The following GRIK3 variants were observed in gnomAD, a reference collection of about 807,000 sequenced individuals.
GRIK3 encodes glutamate receptor ionotropic, kainate 3.
Under a neutral mutation model 102.5 loss-of-function variants are expected in GRIK3, and 29 were observed. The ratio of observed to expected loss-of-function variants is 0.28; its 90% CI spans 0.21 to 0.39. GRIK3 has a LOEUF of 0.39. Ranked by LOEUF, GRIK3 falls within the 10% of genes least tolerant of loss-of-function variation. GRIK3 has a pLI of 1.00. For synonymous variants in GRIK3, 511 were observed against 504.9 expected, an observed-to-expected ratio of 1.01 and a Z score of -0.16; for missense variants, 908 against 1,252.4, an observed-to-expected ratio of 0.73 and a Z score of 4.15.
intron 7 of GRIK3, among the ~76,000 whole-genome samples, chr1:36,854,525 C>T (rs1570761670): frequency 6.6e-6 from 1 of 152,184 alleles, no homozygotes; most frequent in South Asian, 2.1e-4. Flanking sequence ...TCTTCTACAT[C>T]AGGGGTTGGC....
intron 1 of GRIK3, among the ~76,000 whole-genome samples, chr1:36,955,606 A>G (rs1021517445): frequency 1.3e-5 from 2 of 152,170 alleles, no homozygotes; most frequent in Admixed American, 6.5e-5. Context: ...ACATACATTC[A>G]CACACAAGCA....
At chr1:36,899,807 T>G (rs1347160679) in intron 1 of GRIK3, among the ~76,000 whole-genome samples, 2 of 152,168 alleles carry the variant, frequency 1.3e-5, no homozygotes, top group Non-Finnish European at 2.9e-5. Flanking sequence ...TCAAGGAACT[T>G]TATCAGAGAC....
At chr1:36,922,320 G>A (rs1045827569) in intron 1 of GRIK3, among the ~76,000 whole-genome samples, 5 of 152,168 alleles carry the variant, frequency 3.3e-5, no homozygotes, top group African/African-American at 1.2e-4. Context: ...GGGAGGTCAG[G>A]CGGTGGGTTC....
At chr1:36,957,949 C>T (rs1343128027) in intron 1 of GRIK3, among the ~76,000 whole-genome samples, 1 of 29,826 alleles carries the variant, frequency 3.4e-5, no homozygotes, top group African/African-American at 1.9e-4. Context: ...CTGTGTGTCC[C>T]ATGACTCTGT....
chr1:36,922,031 G>A (rs963801353), intron 1 of GRIK3, among the ~76,000 whole-genome samples: 2 of 152,204 alleles, frequency 1.3e-5, no homozygotes, highest in African/African-American at 2.4e-5. Flanking sequence ...GCCCCACAGA[G>A]GGGTAGGCCC....
At chr1:36,904,005 G>A (rs1641258308) in intron 1 of GRIK3, among the ~76,000 whole-genome samples, 1 of 152,134 alleles carries the variant, frequency 6.6e-6, no homozygotes, top group Admixed American at 6.5e-5. Flanking sequence ...TCCATTCATT[G>A]TAACAAATGT....
At position 36,806,299 on chromosome 1, in the gene GRIK3, T is replaced by A; in HGVS notation, c.2119A>T (p.Met707Leu). 1 of 1,613,988 alleles carries A rather than the reference T, an allele frequency of 6.2e-7. No individual in the cohort carries two copies. The highest frequency in any genetic ancestry group is 1.1e-5 in the South Asian group (1 of 91,062). Residue 707 changes from methionine (M) to leucine (L), a missense_variant, in exon 14 of 16, where the codon ATG (methionine) becomes TTG (leucine). Transcript: ENST00000373091. This position sits in a 1 kb window ranked among gnomAD's most constrained non-coding sequence, Gnocchi z 4.0. ...KKSKISTFEK[M>L]WAFMSSKPSA... is the part of the protein sequence containing the mutation. Reference sequence around the variant, plus strand: ...GGCTTGCTGCTCATGAAGGCCCACATCTTCTCGAAGGTGGAGATCTTGGAT... The same window carrying A: ...GGCTTGCTGCTCATGAAGGCCCACAACTTCTCGAAGGTGGAGATCTTGGAT...
intron 5 of GRIK3, among the ~76,000 whole-genome samples, chr1:36,865,436 T>A (rs1640772712): frequency 6.6e-6 from 1 of 152,206 alleles, no homozygotes; most frequent in Non-Finnish European, 1.5e-5. Flanking sequence ...AAGCCACAAC[T>A]GACCAATGGG....
chr1:37,031,584 T>A (rs1206819301), intron 1 of GRIK3, among the ~76,000 whole-genome samples: 1 of 152,202 alleles, frequency 6.6e-6, no homozygotes, highest in African/African-American at 2.4e-5. Context: ...GCCTGGCTGC[T>A]GGAGAAGCAT....
intron 1 of GRIK3, among the ~76,000 whole-genome samples, chr1:36,918,483 C>A (rs1037933793): frequency 6.6e-6 from 1 of 152,188 alleles, no homozygotes; most frequent in Non-Finnish European, 1.5e-5. Flanking sequence ...GATCCCTTCT[C>A]GTGCATCAGG....
intron 1 of GRIK3, among the ~76,000 whole-genome samples, chr1:36,950,533 A>C (rs1018802153): frequency 8.5e-5 from 13 of 152,222 alleles, no homozygotes; most frequent in African/African-American, 3.1e-4. Flanking sequence ...ATCAGATTTC[A>C]GGAAGATGAA....
intron 1 of GRIK3, among the ~76,000 whole-genome samples, chr1:36,903,093 T>C (rs377477570): frequency 2.0e-5 from 3 of 152,184 alleles, no homozygotes; most frequent in South Asian, 4.1e-4. Context: ...GGCCTGATGA[T>C]GGACTATTAT....
chr1:36,875,730 C>T (rs889432641), intron 3 of GRIK3, among the ~76,000 whole-genome samples: 2 of 152,214 alleles, frequency 1.3e-5, no homozygotes, highest in South Asian at 2.1e-4. Context: ...AGAAAAACGA[C>T]CTAGCCAAGT....
chr1:36,936,126 C>T (rs968427747), intron 1 of GRIK3, among the ~76,000 whole-genome samples: 2 of 152,188 alleles, frequency 1.3e-5, no homozygotes, highest in African/African-American at 4.8e-5. Context: ...TGTCAAAGAG[C>T]ATCATCCTCA....
intron 1 of GRIK3, among the ~76,000 whole-genome samples, chr1:36,976,247 T>C (rs1371545218): frequency 6.6e-6 from 1 of 152,152 alleles, no homozygotes; most frequent in South Asian, 2.1e-4. Context: ...CAGGGGAGGC[T>C]CTCGACTCCT....
intron 7 of GRIK3, among the ~76,000 whole-genome samples, chr1:36,857,233 G>A (rs1222475152): frequency 6.6e-6 from 1 of 152,130 alleles, no homozygotes; most frequent in Non-Finnish European, 1.5e-5. Context: ...GTGTGGCCTG[G>A]GACACCGACA....
At chr1:36,844,136 T>C (rs148724234) in intron 9 of GRIK3, among the ~76,000 whole-genome samples, 21 of 152,316 alleles carry the variant, frequency 1.4e-4, no homozygotes, top group African/African-American at 5.1e-4. Flanking sequence ...CTTGATCCAC[T>C]GGAGCTTTTC....
intron 1 of GRIK3, among the ~76,000 whole-genome samples, chr1:36,944,395 C>T (rs35389385): frequency 0.04 from 6,064 of 152,264 alleles, 182 homozygotes; most frequent in South Asian, 0.14. Flanking sequence ...GGGCTGCAGG[C>T]TTCCCACTCA....
At chr1:36,852,442 T>C (rs1470224661) in intron 8 of GRIK3, among the ~76,000 whole-genome samples, 2 of 152,208 alleles carry the variant, frequency 1.3e-5, no homozygotes, top group African/African-American at 2.4e-5. Context: ...TGGGGTATGT[T>C]TCAGGGAAAT....
Sources: gnomAD v4.1 joint callset for allele counts (sites outside exome capture counted in the v4.1 genomes callset) on GRCh38, gnomAD v4.1.1 for gene constraint, Gnocchi (gnomAD v3.1) non-coding constraint, MANE v1.5 for transcripts, NCBI Gene and HGNC (gene_info 2026-07-23, HGNC 2026-07-21) for gene names.